Variants in PVALEF observed in about 807,000 individuals in gnomAD.
PVALEF encodes parvalbumin like EF-hand containing, also known as parvalbumin-like EF-hand-containing protein.
Under a neutral mutation model 1.2 loss-of-function variants are expected in PVALEF, and 2 were observed. The ratio of observed to expected loss-of-function variants is 1.68; its 90% CI spans 0.69 to 5.28. The LOEUF (loss-of-function observed/expected upper bound fraction) is 5.28, where lower values mean the gene tolerates loss of function less well. Ranked by LOEUF, PVALEF falls within the 30% of genes most tolerant of loss-of-function variation. The pLI, the probability that PVALEF is intolerant of heterozygous loss-of-function variation, is 0.06. For synonymous variants in PVALEF, 16 were observed against 6.5 expected (o/e 2.47, Z -2.24); for missense variants, 35 against 17.7 (o/e 1.97, Z -1.75).
chr17:81,176,807 A>C, intron 2 of PVALEF, among the ~76,000 whole-genome samples: 1 of 151,952 alleles, frequency 6.6e-6, no homozygotes, highest in East Asian at 1.9e-4. Flanking sequence ...ACATTTGTAC[A>C]CCCATCTTCA....
chr17:81,166,029 G>A lies in PVALEF; in HGVS notation c.-508+282G>A, dbSNP rs772031023. On this transcript the variant is annotated intron_variant, in intron 1 of 6. Coordinates refer to ENST00000637878, the MANE Select transcript of PVALEF (RefSeq NM_001354639.2). ...CGGCCGGCGGGCATCCCGGGAGGGC[G>A]CTGCGCTCAGGACGCCCGCGGCCCC... 27 of 1,501,918 alleles carry A rather than the reference G, an allele frequency of 1.8e-5. 1 individual carries two copies. The highest frequency in any genetic ancestry group is 1.6e-4 in the South Asian group (13 of 79,744). 93.0% of individuals were successfully genotyped at this position (1,501,918 alleles called of 1,614,324 possible). A position where few individuals can be genotyped will look rare whatever the true frequency, so the allele number is the denominator to read the frequency against.
rs114895555 is a variant in PVALEF at position 81,181,641 on chromosome 17, C to T, written c.189C>T (p.Ala63=). The T allele has an allele frequency of 0.022, 8,951 of 413,728 alleles. 140 individuals are homozygous for T. The highest frequency in any genetic ancestry group is 0.065 in the African/African-American group (3,176 of 49,054). The allele number at this position is 413,728 out of a possible 1,614,324, so 25.6% of individuals were successfully genotyped here. Residue 63 remains alanine, a synonymous_variant, in exon 5 of 7, where the codon GCC becomes GCT. Coordinates refer to ENST00000637878, the MANE Select transcript of PVALEF (RefSeq NM_001354639.2). ...SGQLDDAIHT[A]FQSLDKDKSG... is the part of the protein sequence containing the mutation. ...AGCTGGACGACGCCATCCACACGGC[C>T]TTCCAGTCCCTGGACAAGGACAAGA...
intron 1 of PVALEF, 133 bp downstream of exon 1, chr17:81,165,880 CAT>C: frequency 2.6e-6 from 4 of 1,548,238 alleles, no homozygotes; most frequent in Non-Finnish European, 2.6e-6. Context: ...GGCCCAGGGG[CAT>C]CACGTCCGCA....
chr17:81,167,062 G>A (rs1206721962), intron 2 of PVALEF, among the ~76,000 whole-genome samples: 1 of 152,074 alleles, frequency 6.6e-6, no homozygotes, highest in Admixed American at 6.5e-5. Flanking sequence ...GGAGGCCAGG[G>A]CAGGCGGGTG....
intron 5 of PVALEF, 28 bp from the exon 6 acceptor site, chr17:81,181,938 G>A (rs2061555738): frequency 2.5e-6 from 1 of 398,394 alleles, no homozygotes; most frequent in Non-Finnish European, 4.4e-6. Context: ...AAGCCCCTTG[G>A]CCCTGACTCG....
At chr17:81,182,465 G>A (rs994478876) in intron 6 of PVALEF, among the ~76,000 whole-genome samples, 1 of 152,216 alleles carries the variant, frequency 6.6e-6, no homozygotes, top group African/African-American at 2.4e-5. Context: ...GGTGGGCTGG[G>A]CCTCCAGACA....
intron 2 of PVALEF, among the ~76,000 whole-genome samples, chr17:81,177,240 CAAAAA>C (rs1163157496): frequency 0.33 from 24,453 of 73,566 alleles, 2,848 homozygotes; most frequent in Non-Finnish European, 0.35. Flanking sequence ...AACTCCATCT[CAAAAA>C]AAAAAAAAAA....
Position 81,179,132 on chromosome 17 carries a change from C to G in PVALEF, c.-125C>G. 2.6e-6 allele frequency: 1 copy of G among 387,036 alleles called. No individual in the cohort carries two copies. 24.0% of individuals were successfully genotyped at this position (387,036 alleles called of 1,614,324 possible). A position where few individuals can be genotyped will look rare whatever the true frequency, so the allele number is the denominator to read the frequency against. ...CCAGCCTGACCCACCTTCCAGAACT[C>G]TCGAAAGAAGCCAGGCAGAGGTAAG... is the stretch of plus-strand genomic sequence containing the variant. On this transcript the variant is annotated 5_prime_UTR_variant, in exon 3 of 7. Coordinates refer to ENST00000637878, the MANE Select transcript of PVALEF (RefSeq NM_001354639.2).
At chr17:81,175,712 C>T (rs1248591940) in intron 2 of PVALEF, among the ~76,000 whole-genome samples, 3 of 152,170 alleles carry the variant, frequency 2.0e-5, no homozygotes, top group Non-Finnish European at 4.4e-5. Flanking sequence ...ACAAAGAGTG[C>T]TGGGAAAACT....
chr17:81,167,110 T>C (rs1027030393), intron 2 of PVALEF, among the ~76,000 whole-genome samples: 3 of 152,170 alleles, frequency 2.0e-5, no homozygotes, highest in African/African-American at 7.2e-5. Flanking sequence ...CTGGGCAACA[T>C]AGCAAGACAC....
At chr17:81,169,426 C>T (rs113273349) in intron 2 of PVALEF, among the ~76,000 whole-genome samples, 1 of 152,088 alleles carries the variant, frequency 6.6e-6, no homozygotes, top group Non-Finnish European at 1.5e-5. Context: ...GGTGAAGCCC[C>T]GTATCTACTA....
At chr17:81,168,004 G>C (rs1001293901) in intron 2 of PVALEF, among the ~76,000 whole-genome samples, 1 of 152,188 alleles carries the variant, frequency 6.6e-6, no homozygotes, top group African/African-American at 2.4e-5. Context: ...GTGAGGGACA[G>C]AGGGTATGGC....
chr17:81,176,729 A>T (rs1227052868), intron 2 of PVALEF, among the ~76,000 whole-genome samples: 3 of 152,120 alleles, frequency 2.0e-5, no homozygotes, highest in Non-Finnish European at 4.4e-5. Context: ...AATCAGAATG[A>T]CAGTATCATC....
At chr17:81,168,189 G>T (rs922600228) in intron 2 of PVALEF, among the ~76,000 whole-genome samples, 1 of 152,224 alleles carries the variant, frequency 6.6e-6, no homozygotes, top group African/African-American at 2.4e-5. Flanking sequence ...GAGAGTTTCT[G>T]TCCAGAACTT....
At chr17:81,167,483 C>T (rs888423433) in intron 2 of PVALEF, among the ~76,000 whole-genome samples, 1 of 152,238 alleles carries the variant, frequency 6.6e-6, no homozygotes, top group African/African-American at 2.4e-5. Flanking sequence ...CAACAGGGCT[C>T]TTAGGACTTT....
intron 2 of PVALEF, among the ~76,000 whole-genome samples, chr17:81,176,885 T>C (rs1350448054): frequency 2.0e-5 from 3 of 151,022 alleles, no homozygotes; most frequent in African/African-American, 7.3e-5. Context: ...GGCAAGTGAA[T>C]ACTCAAAATG....
At chr17:81,172,128 C>T (rs1224137066) in intron 2 of PVALEF, among the ~76,000 whole-genome samples, 2 of 152,248 alleles carry the variant, frequency 1.3e-5, no homozygotes, top group Non-Finnish European at 2.9e-5. Flanking sequence ...GTGCCACATG[C>T]CTTTCTACAG....
intron 3 of PVALEF, 89 bp from the exon 4 acceptor site, chr17:81,181,034 C>T: frequency 1.9e-6 from 1 of 538,596 alleles, no homozygotes; most frequent in Non-Finnish European, 3.3e-6. Flanking sequence ...GTGCCCAGAC[C>T]CCCACCTGCC....
chr17:81,183,020 C>G lies in PVALEF; in HGVS notation c.*9C>G, dbSNP rs2061560025. 2 of 398,576 alleles carry G rather than the reference C, an allele frequency of 5.0e-6. No individual in the cohort carries two copies. Among genetic ancestry groups the G allele is most frequent in the African/African-American group, 2.1e-5 (1 of 48,658 alleles). The allele number at this position is 398,576 out of a possible 1,614,324, so 24.7% of individuals were successfully genotyped here. A position where few individuals can be genotyped will look rare whatever the true frequency, so the allele number is the denominator to read the frequency against. ...TTCCAAAGAAGAAGTAGCACCATGACTAGCCCTGGCCAGCCAAGGGGCTCC... is the reference window on the plus strand; with the variant it reads ...TTCCAAAGAAGAAGTAGCACCATGAGTAGCCCTGGCCAGCCAAGGGGCTCC... On this transcript the variant is annotated 3_prime_UTR_variant, in exon 7 of 7. Coordinates refer to ENST00000637878, the MANE Select transcript of PVALEF (RefSeq NM_001354639.2).
Sources: gnomAD v4.1 joint callset for allele counts (sites outside exome capture counted in the v4.1 genomes callset) on GRCh38, gnomAD v4.1.1 for gene constraint, MANE v1.5 for transcripts, NCBI Gene and HGNC (gene_info 2026-07-23, HGNC 2026-07-21) for gene names.